The following SATB1 variants were observed in gnomAD, a reference collection of about 807,000 sequenced individuals.
The protein encoded by SATB1 is SATB homeobox 1.
A neutral mutation model predicts 86.9 loss-of-function variants in SATB1; 11 were observed. That is an observed-to-expected ratio of 0.13 (90% CI 0.08 to 0.21). SATB1 has a LOEUF of 0.21. SATB1 is among the 10% of genes least tolerant of loss of function. The pLI is 1.00. For synonymous variants in SATB1, 357 were observed against 357.2 expected, an observed-to-expected ratio of 1.00 and a Z score of 0.01; for missense variants, 551 against 937.6, an observed-to-expected ratio of 0.59 and a Z score of 5.39.
At chr3:18,440,011 C>A (rs560804755), upstream of SATB1, among the ~76,000 whole-genome samples, 16 of 152,116 alleles carry the variant, frequency 1.1e-4, no homozygotes, top group African/African-American at 3.9e-4. Context: ...ATCAATGAGC[C>A]CCACTTTATA....
chr3:18,397,117 G>T, intron 6 of SATB1, 62 bp downstream of exon 6: 1 of 940,412 alleles, frequency 1.1e-6, no homozygotes. Flanking sequence ...ATGTGACTTT[G>T]ATAAACCCCC....
intron 9 of SATB1, among the ~76,000 whole-genome samples, chr3:18,367,791 A>G (rs1466130343): frequency 6.6e-6 from 1 of 152,192 alleles, no homozygotes; most frequent in Non-Finnish European, 1.5e-5. Flanking sequence ...AAATACAAAT[A>G]CACAAAAATG....
chr3:18,351,366 C>T (rs1182474951), intron 10 of SATB1: 9 of 1,556,300 alleles, frequency 5.8e-6, no homozygotes, highest in African/African-American at 2.7e-5. Context: ...GGTAAGAAAA[C>T]GCCTCTAGAC....
At chr3:18,445,340 C>T (rs1420150434) in intron 1 of SATB1, 4 of 983,762 alleles carry the variant, frequency 4.1e-6, no homozygotes, top group African/African-American at 1.8e-5. Flanking sequence ...TCCCTCCCAG[C>T]GCGCCGGCCG....
rs569366015 is a variant in SATB1 at position 18,394,850 on chromosome 3, G to T, written c.818C>A (p.Pro273Gln). 4.3e-6 allele frequency: 7 copies of T among 1,613,644 alleles called. No homozygotes were observed. In the East Asian group the frequency reaches 1.1e-4, roughly 26 times the overall value. The part of the protein sequence containing the change: ...GANHVNFGQQ[P>Q]VPGNTAEQPP... Reference sequence around the variant, plus strand: ...CTGCTCGGCTGTGTTCCCTGGAACTGGTTGCTGGCCAAAATTGACATGATT... The same window carrying T: ...CTGCTCGGCTGTGTTCCCTGGAACTTGTTGCTGGCCAAAATTGACATGATT... Residue 273 changes from proline to glutamine, a missense_variant, in exon 7 of 11, where the codon CCA (proline) becomes CAA (glutamine). Transcript: ENST00000338745. The surrounding 1 kb of genome is among the most constrained non-coding windows in gnomAD (Gnocchi z 5.9).
chr3:18,417,113 C>T, intron 2 of SATB1, 35 bp from the exon 3 acceptor site: 3 of 1,594,892 alleles, frequency 1.9e-6, no homozygotes, highest in Non-Finnish European at 2.6e-6. Context: ...GATGGAAAAC[C>T]AACAATCTTC....
rs1575189608 is a variant in SATB1 at position 18,437,862 on chromosome 3, G to A, written c.-108+703C>T. On this transcript the variant is annotated intron_variant, in intron 1 of 3. Coordinates refer to the SATB1 transcript ENST00000414509. The stretch of plus-strand genomic sequence containing the variant: ...ATTTTTTAAAAATTTAAAACTGTAT[G>A]CATCTTAATTTAGTACTTCATTCAT... Among the ~76,000 whole-genome samples the A allele has an allele frequency of 2.6e-5, 4 of 152,192 alleles. No individual in the cohort carries two copies. In the East Asian group the frequency reaches 7.7e-4, roughly 29 times the overall value.
intron 5 of SATB1, among the ~76,000 whole-genome samples, chr3:18,412,894 C>T (rs983108258): frequency 4.6e-5 from 7 of 151,948 alleles, no homozygotes; most frequent in African/African-American, 1.7e-4. Context: ...GATGATTCAG[C>T]AAAATATAAA....
At chr3:18,419,084 C>T (rs1300421188) in intron 2 of SATB1, among the ~76,000 whole-genome samples, 9 of 152,126 alleles carry the variant, frequency 5.9e-5, no homozygotes. Flanking sequence ...GGTTTTCAAA[C>T]TATTGAAATA....
At chr3:18,384,397 TA>T (rs1257300069) in intron 8 of SATB1, among the ~76,000 whole-genome samples, 1 of 150,396 alleles carries the variant, frequency 6.6e-6, no homozygotes, top group Non-Finnish European at 1.5e-5. Flanking sequence ...ACCAGAGTCC[TA>T]GAAAAATTAG....
intron 5 of SATB1, among the ~76,000 whole-genome samples, chr3:18,413,760 C>A (rs1423485761): frequency 6.6e-6 from 1 of 152,034 alleles, no homozygotes; most frequent in African/African-American, 2.4e-5. Context: ...GAAATGGACA[C>A]TTAACAATAC....
At chr3:18,430,819 A>C (rs1698864547) in intron 2 of SATB1, among the ~76,000 whole-genome samples, 1 of 152,196 alleles carries the variant, frequency 6.6e-6, no homozygotes, top group African/African-American at 2.4e-5. Flanking sequence ...CTTGGCATAG[A>C]TGTAAATACA....
intron 10 of SATB1, chr3:18,351,764 C>T: frequency 3.6e-6 from 2 of 556,432 alleles, no homozygotes; most frequent in East Asian, 3.0e-5. Flanking sequence ...AAAAGGGGTT[C>T]CTGTTGCTTT....
Position 18,366,251 on chromosome 3 carries a change from C to CT in SATB1, c.1575+11918dup, listed in dbSNP as rs200177186. On this transcript the variant is annotated intron_variant, in intron 9 of 10. Coordinates refer to ENST00000338745, the MANE Select transcript of SATB1 (RefSeq NM_002971.6). ...TTGCAAAAATGGATTTCAAGGTATT[C>CT]TTTTTTTTTTTCAAGGTATTCTCTC... is the stretch of plus-strand genomic sequence containing the variant. Among the ~76,000 whole-genome samples the CT allele has an allele frequency of 1.6e-3, 239 of 147,512 alleles. 2 individuals are homozygous for CT. In the South Asian group the frequency reaches 0.034, roughly 21 times the overall value.
chr3:18,386,351 T>A lies in SATB1; in HGVS notation c.1419+48A>T. ...CTTATTGAGATTCTTCCTCAAGCAT[T>A]AAAAAAAAGCTAAACAAAGAAGGGC... On this transcript the variant is annotated intron_variant, in intron 8 of 10. Coordinates refer to ENST00000338745, the MANE Select transcript of SATB1 (RefSeq NM_002971.6). This position sits in a 1 kb window ranked among gnomAD's most constrained non-coding sequence, Gnocchi z 4.5. 5 of 1,413,626 alleles carry A rather than the reference T, an allele frequency of 3.5e-6. No homozygotes were observed. The highest frequency in any genetic ancestry group is 4.9e-6 in the Non-Finnish European group (5 of 1,014,574). The allele number at this position is 1,413,626 out of a possible 1,614,324, so 87.6% of individuals were successfully genotyped here. A position where few individuals can be genotyped will look rare whatever the true frequency, so the allele number is the denominator to read the frequency against.
intron 9 of SATB1, among the ~76,000 whole-genome samples, chr3:18,353,341 G>C (rs2125130971): frequency 6.6e-6 from 1 of 152,060 alleles, no homozygotes. Flanking sequence ...CATCAATCTG[G>C]GGCTAGATTT....
In SATB1 at chr3:18,404,035, G is replaced by A. The variant is rs994831352; in HGVS notation, c.640-6745C>T. ...AATACAATTTTCACAGGGATTCCTC[G>A]TAAATGAGGTTTTCTTTTAATCTCA... On this transcript the variant is annotated intron_variant, in intron 5 of 10. Transcript: ENST00000338745. Among the ~76,000 whole-genome samples, 8 of 152,020 alleles carry A rather than the reference G, an allele frequency of 5.3e-5. No individual in the cohort carries two copies. The South Asian group carries it at 6.2e-4, about 12-fold the overall frequency.
chr3:18,439,650 T>C (rs970019919), upstream of SATB1, among the ~76,000 whole-genome samples: 12 of 152,186 alleles, frequency 7.9e-5, no homozygotes, highest in Admixed American at 7.9e-4. Flanking sequence ...TTGATTTATA[T>C]GTTGTTATTA....
At chr3:18,359,811 A>G (rs1469728295) in intron 9 of SATB1, among the ~76,000 whole-genome samples, 1 of 151,950 alleles carries the variant, frequency 6.6e-6, no homozygotes, top group African/African-American at 2.4e-5. Context: ...TATCATTAAA[A>G]AAAACAGAAA....
Sources: allele counts gnomAD v4.1 joint callset (sites outside exome capture counted in the v4.1 genomes callset), GRCh38; gene constraint gnomAD v4.1.1; non-coding constraint Gnocchi (gnomAD v3.1); transcripts MANE v1.5; gene names NCBI Gene and HGNC (gene_info 2026-07-23, HGNC 2026-07-21).